Variants in MRAS observed in about 807,000 individuals in gnomAD.
MRAS encodes the protein ras-related protein M-Ras.
MRAS carries 4 observed loss-of-function variants against 20.9 expected under a neutral mutation model. The observed-to-expected ratio is 0.19, with a 90% CI of 0.09 to 0.44. The LOEUF is 0.44. Among genes scored for constraint, MRAS ranks in the 20% least tolerant of loss-of-function variants. The pLI is 0.99. For missense variants in MRAS, 154 were observed against 277.5 expected, an observed-to-expected ratio of 0.56 and a Z score of 3.16; for synonymous variants, 98 against 102.9, an observed-to-expected ratio of 0.95 and a Z score of 0.29.
At chr3:138,382,840 C>T (rs2054933473) in intron 2 of MRAS, among the ~76,000 whole-genome samples, 1 of 152,214 alleles carries the variant, frequency 6.6e-6, no homozygotes, top group Non-Finnish European at 1.5e-5. Flanking sequence ...TTCAGAACTT[C>T]ATGTTGGTCC....
chr3:138,366,413 G>A (rs149584775), intron 1 of MRAS, among the ~76,000 whole-genome samples: 8 of 152,340 alleles, frequency 5.3e-5, no homozygotes, highest in African/African-American at 1.9e-4. Flanking sequence ...TAAAATACTT[G>A]CAATTCAATT....
intron 1 of MRAS, among the ~76,000 whole-genome samples, chr3:138,360,300 G>A (rs886531063): frequency 2.0e-5 from 3 of 152,118 alleles, no homozygotes; most frequent in East Asian, 1.9e-4. Flanking sequence ...CCTGGGATCC[G>A]GGCCTTCCGT....
At chr3:138,374,117 C>T (rs529378508) in intron 2 of MRAS, among the ~76,000 whole-genome samples, 18 of 152,066 alleles carry the variant, frequency 1.2e-4, no homozygotes, top group Middle Eastern at 3.4e-3. Context: ...CACCACCACA[C>T]CTAGCTAAAT....
upstream of MRAS, chr3:138,348,499 C>G (rs1463505190): frequency 6.6e-6 from 1 of 152,008 alleles, no homozygotes; most frequent in Non-Finnish European, 1.5e-5. Context: ...CCCGGGCTCC[C>G]CACTGGCGCG....
intron 1 of MRAS, among the ~76,000 whole-genome samples, chr3:138,356,455 G>A (rs183545672): frequency 1.6e-4 from 25 of 152,160 alleles, no homozygotes; most frequent in African/African-American, 5.1e-4. Context: ...GAATTTCAAC[G>A]TGCCTTCTTG....
chr3:138,396,602 C>T (rs547889053), intron 2 of MRAS, among the ~76,000 whole-genome samples: 1 of 152,346 alleles, frequency 6.6e-6, no homozygotes, highest in East Asian at 1.9e-4. Context: ...GAGACTTTCC[C>T]TCAGCAGGAA....
At chr3:138,387,782 T>TC (rs2055047626) in intron 2 of MRAS, among the ~76,000 whole-genome samples, 1 of 152,138 alleles carries the variant, frequency 6.6e-6, no homozygotes, top group African/African-American at 2.4e-5. Context: ...CCTCTAAGAA[T>TC]CCCACAGAAC....
chr3:138,381,334 G>T (rs2054898715), intron 2 of MRAS, among the ~76,000 whole-genome samples: 1 of 152,244 alleles, frequency 6.6e-6, no homozygotes, highest in East Asian at 1.9e-4. Context: ...CTGAGGTACA[G>T]ATGGAGAGGT....
chr3:138,397,607 A>T (rs2055268483), intron 3 of MRAS, 130 bp downstream of exon 3: 9 of 1,074,510 alleles, frequency 8.4e-6, no homozygotes, highest in Non-Finnish European at 1.2e-5. Context: ...TTTAAGCCTT[A>T]TGTGGAGTAA....
chr3:138,400,422 G>A, intron 4 of MRAS, 112 bp from the exon 5 acceptor site: 1 of 876,326 alleles, frequency 1.1e-6, no homozygotes, highest in East Asian at 2.4e-5. Flanking sequence ...GGGCTTCTGT[G>A]GGGGGTTTTG....
At chr3:138,370,720 C>T (rs941366745) in intron 1 of MRAS, among the ~76,000 whole-genome samples, 1 of 152,106 alleles carries the variant, frequency 6.6e-6, no homozygotes, top group African/African-American at 2.4e-5. Flanking sequence ...ATTTTATTTT[C>T]CTGGGAGCAT....
chr3:138,401,045 A>G (rs1166337641), intron 5 of MRAS, among the ~76,000 whole-genome samples: 1 of 152,164 alleles, frequency 6.6e-6, no homozygotes, highest in Non-Finnish European at 1.5e-5. Flanking sequence ...CAAGGTTCAA[A>G]TTTCAGAGGC....
At chr3:138,388,274 A>G (rs970480918) in intron 2 of MRAS, among the ~76,000 whole-genome samples, 2 of 152,174 alleles carry the variant, frequency 1.3e-5, no homozygotes, top group African/African-American at 4.8e-5. Flanking sequence ...CCTCATCACT[A>G]TGTGTGTTCA....
At position 138,402,250 on chromosome 3, in the gene MRAS, T is replaced by C; in HGVS notation, c.608T>C (p.Leu203Pro). The C allele has an allele frequency of 6.2e-7, 1 of 1,614,112 alleles. No homozygotes were observed. Among genetic ancestry groups the C allele is most frequent in the Non-Finnish European group, 8.5e-7 (1 of 1,179,992 alleles). Residue 203 changes from leucine (L) to proline (P), a missense_variant, in exon 6 of 6, where the codon CTG becomes CCG. Leu to Pro is a moderately conservative substitution (Grantham distance 98, BLOSUM62 -3). Transcript: ENST00000423968. Reference sequence around the variant, plus strand: ...GACCGGGCCACAGGCACCCACAAACTGCAATGTGTGATCTTGTGACAGGCC... The same window carrying C: ...GACCGGGCCACAGGCACCCACAAACCGCAATGTGTGATCTTGTGACAGGCC... Reference protein sequence around the residue: ...RGDRATGTHKLQCVIL With the variant: ...RGDRATGTHKPQCVIL
At chr3:138,363,407 C>T (rs540283537) in intron 1 of MRAS, among the ~76,000 whole-genome samples, 7 of 152,234 alleles carry the variant, frequency 4.6e-5, no homozygotes, top group Admixed American at 3.9e-4. Flanking sequence ...TTTAAGACCC[C>T]GTTCTGTGTC....
intron 3 of MRAS, 90 bp downstream of exon 3, chr3:138,397,567 C>A: frequency 6.9e-7 from 1 of 1,456,918 alleles, no homozygotes; most frequent in African/African-American, 1.4e-5. Context: ...CTTTCTCTCT[C>A]TCTCACCCCT....
chr3:138,349,538 C>G (rs1176185167), intron 1 of MRAS: 3 of 152,368 alleles, frequency 2.0e-5, no homozygotes, highest in Admixed American at 1.3e-4. Context: ...GAGCTGAGGT[C>G]TGTTCTGGCC....
rs1006795479 is a variant in MRAS, at chr3:138,403,216, GTTTCTCAGATCTGTCTCTTGCTGCGT to G, written c.*952_*977del. The G allele has an allele frequency of 6.6e-6, 1 of 152,206 alleles. No individual in the cohort carries two copies. The highest frequency in any genetic ancestry group is 2.4e-5 in the African/African-American group (1 of 41,430). The allele number at this position is 152,206 out of a possible 1,614,324, so 9.4% of individuals were successfully genotyped here. On this transcript the variant is annotated 3_prime_UTR_variant, in exon 6 of 6. Coordinates refer to ENST00000423968, the MANE Select transcript of MRAS (RefSeq NM_001085049.3). ...CCCCAGGGGTCTGAGGAGGCTCTGG[GTTTCTCAGATCTGTCTCTTGCTGCGT>G]TTTCACATCAGCTGTGCTGCTTGGT...
intron 2 of MRAS, among the ~76,000 whole-genome samples, chr3:138,395,303 C>T (rs1053450475): frequency 4.6e-5 from 7 of 152,146 alleles, no homozygotes; most frequent in African/African-American, 1.7e-4. Context: ...TCCCAAAGCA[C>T]TGGGATTACA....
Sources: allele counts gnomAD v4.1 joint callset (sites outside exome capture counted in the v4.1 genomes callset), GRCh38; gene constraint gnomAD v4.1.1; transcripts MANE v1.5; gene names NCBI Gene and HGNC (gene_info 2026-07-23, HGNC 2026-07-21).